The following COL6A6 variants were observed in gnomAD, a reference collection of about 807,000 sequenced individuals.
The protein encoded by COL6A6 is collagen alpha-6(VI) chain.
A neutral mutation model predicts 208.6 loss-of-function variants in COL6A6; 183 were observed. The ratio of observed to expected loss-of-function variants is 0.88; its 90% CI spans 0.78 to 0.99. The LOEUF (loss-of-function observed/expected upper bound fraction) is 0.99. Among genes scored for constraint, COL6A6 ranks in the 50% least tolerant of loss-of-function variants. The pLI is 0.00. For missense variants in COL6A6, 2,816 were observed against 2,815.2 expected (o/e 1.00, Z -0.01); for synonymous variants, 973 against 1,011.8 (o/e 0.96, Z 0.73).
At chr3:130,527,948 T>C (rs926806017) in intron 1 of COL6A6, among the ~76,000 whole-genome samples, 1 of 139,758 alleles carries the variant, frequency 7.2e-6, no homozygotes, top group Non-Finnish European at 1.5e-5. Context: ...GCCCTACTCT[T>C]GGAAGCAACA....
intron 1 of COL6A6, among the ~76,000 whole-genome samples, chr3:130,543,438 C>T (rs2062420888): frequency 6.6e-6 from 1 of 152,050 alleles, no homozygotes; most frequent in African/African-American, 2.4e-5. Flanking sequence ...CATTCTTTGT[C>T]TATCTTTTGT....
intron 10 of COL6A6, among the ~76,000 whole-genome samples, chr3:130,584,769 C>T (rs1232419390): frequency 6.6e-6 from 1 of 152,004 alleles, no homozygotes; most frequent in African/African-American, 2.4e-5. Context: ...CGCCTGCCAC[C>T]ACACCCGGCT....
intron 1 of COL6A6, among the ~76,000 whole-genome samples, chr3:130,557,650 A>G (rs2062796923): frequency 6.6e-6 from 1 of 152,250 alleles, no homozygotes; most frequent in South Asian, 2.1e-4. Context: ...CTTATTTTAA[A>G]GGAAGAATAT....
At chr3:130,586,410 C>A in intron 10 of COL6A6, 96 bp from the exon 11 acceptor site, 2 of 1,074,056 alleles carry the variant, frequency 1.9e-6, no homozygotes, top group South Asian at 1.8e-5. Flanking sequence ...GTTCTTCTTG[C>A]AGCTGTTCAC....
rs781617559 is a variant in COL6A6, at chr3:130,662,130, C to A, written c.6324C>A (p.Ala2108=). The A allele has an allele frequency of 1.2e-6, 2 of 1,613,946 alleles. No individual in the cohort carries two copies. The highest frequency in any genetic ancestry group is 1.3e-5 in the African/African-American group (1 of 75,036). ...TCTTAAAGAAGGAATCCTTGCGAGC[C>A]AAATGTCAGGGATATGCCTTATTTG... ...GEILKKESLR[A]KCQGYALFVF... Residue 2108 remains alanine (A), a synonymous_variant, in exon 35 of 37, where the codon GCC becomes GCA. Coordinates refer to ENST00000358511, the MANE Select transcript of COL6A6 (RefSeq NM_001102608.3).
At position 130,570,984 on chromosome 3, in the gene COL6A6, C is replaced by A; in HGVS notation, c.2568C>A (p.Asp856Glu). The A allele has an allele frequency of 6.2e-7, 1 of 1,613,958 alleles. No homozygotes were observed. The highest frequency in any genetic ancestry group is 8.5e-7 in the Non-Finnish European group (1 of 1,179,888). The change falls in exon 7 of 37, where the codon GAC (aspartate) becomes GAA (glutamate). Residue 856 changes from aspartate to glutamate, a missense_variant. By Grantham distance (45) the Asp-to-Glu change is conservative. Coordinates refer to ENST00000358511, the MANE Select transcript of COL6A6 (RefSeq NM_001102608.3). ...VRFGALKYAD[D>E]PEVLFYLDDF... ...TTGGGGCTCTGAAGTATGCTGATGA[C>A]CCAGAGGTGCTGTTTTATCTGGATG...
intron 24 of COL6A6, 96 bp from the exon 25 acceptor site, chr3:130,626,389 G>A: frequency 1.1e-6 from 1 of 905,648 alleles, no homozygotes; most frequent in South Asian, 1.3e-5. Context: ...ACAGTTCTGG[G>A]CACAAACCCA....
At chr3:130,521,726 T>C (rs1221261673) in intron 1 of COL6A6, among the ~76,000 whole-genome samples, 2 of 152,200 alleles carry the variant, frequency 1.3e-5, no homozygotes, top group African/African-American at 4.8e-5. Flanking sequence ...CCATGTAGGG[T>C]AGGCCAGAAG....
At position 130,568,683 on chromosome 3, in the gene COL6A6, C is replaced by T. The variant is rs905684378; in HGVS notation, c.2401+79C>T. 3.9e-6 allele frequency: 5 copies of T among 1,282,534 alleles called. No individual in the cohort carries two copies. In the African/African-American group the frequency reaches 4.5e-5, roughly 11 times the overall value. The allele number at this position is 1,282,534 out of a possible 1,614,324, so 79.4% of individuals were successfully genotyped here. A position where few individuals can be genotyped will look rare whatever the true frequency, so the allele number is the denominator to read the frequency against. On this transcript the variant is annotated intron_variant, in intron 6 of 36. Coordinates refer to ENST00000358511, the MANE Select transcript of COL6A6 (RefSeq NM_001102608.3). ...TAGCCTCTATTTCTTGAATTTAATT[C>T]TATTTACATATTGTAAACTTTTGGT...
chr3:130,612,368 A>G (rs1014219672), intron 23 of COL6A6, among the ~76,000 whole-genome samples: 3 of 152,152 alleles, frequency 2.0e-5, no homozygotes, highest in African/African-American at 7.2e-5. Context: ...GCTTTCCACA[A>G]TGGCTGAACT....
intron 1 of COL6A6, among the ~76,000 whole-genome samples, chr3:130,521,171 G>C (rs1171795453): frequency 1.3e-5 from 2 of 152,124 alleles, no homozygotes; most frequent in Admixed American, 1.3e-4. Flanking sequence ...CACTTTAGAG[G>C]GGAAAGATTT....
At chr3:130,623,962 A>C (rs2064811189) in intron 24 of COL6A6, among the ~76,000 whole-genome samples, 1 of 152,162 alleles carries the variant, frequency 6.6e-6, no homozygotes, top group South Asian at 2.1e-4. Flanking sequence ...GGAGTGGAGA[A>C]GCCATGATAT....
chr3:130,658,866 C>A, intron 34 of COL6A6, 94 bp downstream of exon 34: 1 of 853,064 alleles, frequency 1.2e-6, no homozygotes, highest in African/African-American at 1.7e-5. Context: ...AGCAGGGATA[C>A]TTATGGCCTT....
Position 130,675,202 on chromosome 3 carries a change from C to T in COL6A6, c.6597C>T (p.Ser2199=), listed in dbSNP as rs72996300. ...DPKQPPRPFR[S]FVPGPLKATL... The stretch of plus-strand genomic sequence containing the variant: ...TATGATGTTCTCTTTTGTTGTATAG[C>T]TTTGTTCCTGGACCACTTAAAGCTA... The change falls in exon 37 of 37, where the codon AGC becomes AGT. Residue 2199 remains serine (S), a splice_region_variant and synonymous_variant. Coordinates refer to ENST00000358511, the MANE Select transcript of COL6A6 (RefSeq NM_001102608.3). 575 of 1,553,558 alleles carry T rather than the reference C, an allele frequency of 3.7e-4. 3 individuals carry two copies. The African/African-American group carries it at 6.8e-3, about 18-fold the overall frequency.
At chr3:130,674,614 A>G (rs2066314116) in intron 36 of COL6A6, among the ~76,000 whole-genome samples, 1 of 152,240 alleles carries the variant, frequency 6.6e-6, no homozygotes, top group East Asian at 1.9e-4. Context: ...AGATGAAATA[A>G]GGGAATGGCA....
intron 36 of COL6A6, among the ~76,000 whole-genome samples, chr3:130,674,409 A>T (rs1022045850): frequency 2.0e-5 from 3 of 152,022 alleles, no homozygotes; most frequent in African/African-American, 7.3e-5. Context: ...TGATTTCTCA[A>T]CCTGTCCTGC....
intron 36 of COL6A6, among the ~76,000 whole-genome samples, chr3:130,674,805 C>T (rs751218968): frequency 5.3e-5 from 8 of 152,028 alleles, no homozygotes; most frequent in Non-Finnish European, 8.8e-5. Context: ...TCAGATAGTG[C>T]CAAGTGTTAT....
At chr3:130,571,842 A>T (rs1323522071) in intron 7 of COL6A6, among the ~76,000 whole-genome samples, 11 of 110,838 alleles carry the variant, frequency 9.9e-5, no homozygotes, top group Middle Eastern at 5.9e-3. Context: ...GGCATGGCTA[A>T]TTTTTTTTTT....
chr3:130,551,893 T>G (rs1231505554), intron 1 of COL6A6, among the ~76,000 whole-genome samples: 1 of 152,172 alleles, frequency 6.6e-6, no homozygotes, highest in African/African-American at 2.4e-5. Context: ...TCTTCTTAAT[T>G]TCTGCCTTAA....
Sources: allele counts gnomAD v4.1 joint callset (sites outside exome capture counted in the v4.1 genomes callset), GRCh38; gene constraint gnomAD v4.1.1; transcripts MANE v1.5; gene names NCBI Gene and HGNC (gene_info 2026-07-23, HGNC 2026-07-21).